RBFOX1: variants seen among roughly 807,000 people sequenced by gnomAD.
The protein encoded by RBFOX1 is RNA binding protein fox-1 homolog 1.
RBFOX1 carries 8 observed loss-of-function variants against 57.7 expected under a neutral mutation model. The ratio of observed to expected loss-of-function variants is 0.14; its 90% CI spans 0.08 to 0.25. The LOEUF (loss-of-function observed/expected upper bound fraction) is 0.25, where lower values mean the gene tolerates loss of function less well. RBFOX1 is among the 10% of genes least tolerant of loss of function. The pLI is 1.00. For missense variants in RBFOX1, 611 were observed against 548.5 expected, an observed-to-expected ratio of 1.11 and a Z score of -1.14; for synonymous variants, 326 against 222.4, an observed-to-expected ratio of 1.47 and a Z score of -4.15.
chr16:6,191,456 G>A (rs2097141385), intron 1 of RBFOX1, among the ~76,000 whole-genome samples: 1 of 152,116 alleles, frequency 6.6e-6, no homozygotes, highest in African/African-American at 2.4e-5. Flanking sequence ...CTGTGCAACA[G>A]GAAGTGATAT....
intron 1 of RBFOX1, among the ~76,000 whole-genome samples, chr16:5,245,900 C>T (rs766127993): frequency 1.3e-4 from 20 of 152,132 alleles, no homozygotes; most frequent in Non-Finnish European, 1.6e-4. Flanking sequence ...AGAGAAATTA[C>T]CACTTATAGA....
intron 2 of RBFOX1, among the ~76,000 whole-genome samples, chr16:6,542,250 G>C (rs56381058): frequency 0.093 from 14,178 of 151,828 alleles, 1,702 homozygotes; most frequent in African/African-American, 0.28. Flanking sequence ...AAATAATCTT[G>C]AGATCTATAA....
intron 4 of RBFOX1, among the ~76,000 whole-genome samples, chr16:6,011,083 A>G (rs1311657408): frequency 2.0e-5 from 3 of 152,224 alleles, no homozygotes; most frequent in Non-Finnish European, 4.4e-5. Context: ...TTTGTAATAA[A>G]AAGACTAGGA....
At chr16:7,701,919 G>A (rs2347419) in intron 14 of RBFOX1, among the ~76,000 whole-genome samples, 39,835 of 152,054 alleles carry the variant, frequency 0.26, 5,383 homozygotes, top group East Asian at 0.46. Flanking sequence ...GTTTCTCCCT[G>A]TTGCAGCAAA....
At chr16:6,756,920 A>C (rs2075880524) in intron 3 of RBFOX1, among the ~76,000 whole-genome samples, 1 of 152,108 alleles carries the variant, frequency 6.6e-6, no homozygotes. Flanking sequence ...GGTTGCAGTG[A>C]GCTGAGATCG....
At chr16:7,698,183 G>GGGGTGTGT (rs1355248429) in intron 14 of RBFOX1, among the ~76,000 whole-genome samples, 4 of 136,116 alleles carry the variant, frequency 2.9e-5, no homozygotes, top group Admixed American at 7.3e-5. Context: ...AGTCCAAGAG[G>GGGGTGTGT]GTGTGTGTGT....
At chr16:5,702,436 T>G (rs1406163039) in intron 3 of RBFOX1, among the ~76,000 whole-genome samples, 2 of 152,132 alleles carry the variant, frequency 1.3e-5, no homozygotes, top group African/African-American at 4.8e-5. Flanking sequence ...GACATGAGAT[T>G]TGAGTGGGGG....
chr16:5,583,039 C>G (rs2046724484), intron 2 of RBFOX1, among the ~76,000 whole-genome samples: 1 of 152,152 alleles, frequency 6.6e-6, no homozygotes, highest in Admixed American at 6.5e-5. Flanking sequence ...AACTAAGGCA[C>G]AGAAAGGTAA....
intron 3 of RBFOX1, among the ~76,000 whole-genome samples, chr16:6,983,916 G>C (rs1395761844): frequency 2.0e-5 from 3 of 152,138 alleles, no homozygotes; most frequent in Non-Finnish European, 4.4e-5. Context: ...GTAGTAATGT[G>C]TCATAAGAGC....
intron 3 of RBFOX1, among the ~76,000 whole-genome samples, chr16:6,746,934 G>A (rs889867754): frequency 6.6e-6 from 1 of 152,058 alleles, no homozygotes; most frequent in African/African-American, 2.4e-5. Context: ...ACTTCAGCAG[G>A]TGTCTCACTT....
chr16:5,974,314 TAAAAG>T (rs2060019597), intron 4 of RBFOX1, among the ~76,000 whole-genome samples: 1 of 152,098 alleles, frequency 6.6e-6, no homozygotes, highest in Non-Finnish European at 1.5e-5. Flanking sequence ...CATACCTGAT[TAAAAG>T]AGATCTGGGC....
In RBFOX1 at chr16:6,652,108, G is replaced by A. The variant is rs115248643; in HGVS notation, c.-63-2495G>A. Among the ~76,000 whole-genome samples, 1,167 of 152,288 alleles carry A rather than the reference G, an allele frequency of 7.7e-3. 21 individuals carry two copies. The highest frequency in any genetic ancestry group is 0.027 in the African/African-American group (1,113 of 41,558). ...CCTTTAGGGAGGTAATTCAGGTTAA[G>A]TGATGTCATAAGGGTGGGGTCTTAA... On this transcript the variant is annotated intron_variant, in intron 2 of 15. Coordinates refer to ENST00000550418, the MANE Select transcript of RBFOX1 (RefSeq NM_018723.4).
At chr16:6,332,345 A>G (rs1208864186) in intron 2 of RBFOX1, among the ~76,000 whole-genome samples, 1 of 152,232 alleles carries the variant, frequency 6.6e-6, no homozygotes, top group Non-Finnish European at 1.5e-5. Context: ...GGAAAAAATA[A>G]TGGTAAGACA....
intron 3 of RBFOX1, among the ~76,000 whole-genome samples, chr16:6,825,356 T>C (rs539422313): frequency 6.6e-6 from 1 of 151,962 alleles, no homozygotes; most frequent in South Asian, 2.1e-4. Flanking sequence ...ATCAGTCTTC[T>C]AGATATTTTT....
chr16:5,318,019 G>A (rs8047929), intron 1 of RBFOX1, among the ~76,000 whole-genome samples: 111,286 of 152,088 alleles, frequency 0.73, 44,587 homozygotes, highest in South Asian at 0.9. Flanking sequence ...GCAGGTGCAG[G>A]AAGGGAGCTG....
chr16:7,459,237 T>A (rs927194247), intron 4 of RBFOX1, among the ~76,000 whole-genome samples: 1 of 152,220 alleles, frequency 6.6e-6, no homozygotes, highest in Non-Finnish European at 1.5e-5. Context: ...TAGTAATCTC[T>A]ACTTTCTAGA....
chr16:5,506,263 C>T (rs2043374360), intron 2 of RBFOX1, among the ~76,000 whole-genome samples: 1 of 152,238 alleles, frequency 6.6e-6, no homozygotes, highest in Admixed American at 6.5e-5. Flanking sequence ...CAGCAACTTG[C>T]TCCAGCCACA....
chr16:6,807,746 A>C (rs1389778523), intron 3 of RBFOX1, among the ~76,000 whole-genome samples: 2 of 151,934 alleles, frequency 1.3e-5, no homozygotes, highest in African/African-American at 4.8e-5. Flanking sequence ...AATCCAGGAG[A>C]TGGAGGTTGT....
At chr16:6,329,528 A>G (rs1220646640) in intron 2 of RBFOX1, among the ~76,000 whole-genome samples, 1 of 152,202 alleles carries the variant, frequency 6.6e-6, no homozygotes, top group African/African-American at 2.4e-5. Flanking sequence ...AGTCTCATCA[A>G]AGAAATAGTG....
Sources: allele counts gnomAD v4.1 joint callset (sites outside exome capture counted in the v4.1 genomes callset), GRCh38; gene constraint gnomAD v4.1.1; transcripts MANE v1.5; gene names NCBI Gene and HGNC (gene_info 2026-07-23, HGNC 2026-07-21).